Variants in DIP2C observed in about 807,000 individuals in gnomAD.
DIP2C encodes disco-interacting protein 2 homolog C.
Under a neutral mutation model 192.4 loss-of-function variants are expected in DIP2C, and 33 were observed. The ratio of observed to expected loss-of-function variants is 0.17; its 90% CI spans 0.13 to 0.23. The LOEUF (loss-of-function observed/expected upper bound fraction) is 0.23. Among genes scored for constraint, DIP2C ranks in the 10% least tolerant of loss-of-function variants. The pLI, the probability that DIP2C is intolerant of heterozygous loss-of-function variation, is 1.00. For synonymous variants in DIP2C, 979 were observed against 864.1 expected (o/e 1.13, Z -2.33); for missense variants, 1,537 against 2,110.1 (o/e 0.73, Z 5.32).
chr10:681,248 G>A (rs549485465), intron 1 of DIP2C, among the ~76,000 whole-genome samples: 5 of 141,390 alleles, frequency 3.5e-5, no homozygotes, highest in South Asian at 2.3e-4. Flanking sequence ...AACACAGACC[G>A]CAGTCACATG....
At chr10:432,472 A>T (rs576786001) in intron 4 of DIP2C, among the ~76,000 whole-genome samples, 22 of 152,276 alleles carry the variant, frequency 1.4e-4, no homozygotes, top group African/African-American at 4.8e-4. Flanking sequence ...GTGGCCATAG[A>T]GTTTTTCATA....
At chr10:449,086 TCA>T (rs989276865) in intron 3 of DIP2C, among the ~76,000 whole-genome samples, 1 of 151,134 alleles carries the variant, frequency 6.6e-6, no homozygotes, top group African/African-American at 2.4e-5. Flanking sequence ...ATACTCAGGA[TCA>T]CACACAGTGC....
At chr10:344,082 G>C (rs987476783) in intron 28 of DIP2C, among the ~76,000 whole-genome samples, 2 of 152,196 alleles carry the variant, frequency 1.3e-5, no homozygotes, top group African/African-American at 4.8e-5. Context: ...GTCAGACGCT[G>C]AGACTATAAG....
intron 32 of DIP2C, among the ~76,000 whole-genome samples, chr10:297,301 G>A (rs983653635): frequency 4.8e-5 from 6 of 124,070 alleles, no homozygotes; most frequent in East Asian, 2.6e-4. Context: ...ACTACCATAC[G>A]ATCCAACAAT....
intron 31 of DIP2C, chr10:324,680 T>C (rs138353948): frequency 5.0e-5 from 11 of 221,720 alleles, no homozygotes; most frequent in East Asian, 2.5e-4. Context: ...ATTGACAGAA[T>C]TGTCTTCTGC....
chr10:344,221 T>G (rs1043034976), intron 28 of DIP2C, among the ~76,000 whole-genome samples: 2 of 152,218 alleles, frequency 1.3e-5, no homozygotes, highest in African/African-American at 4.8e-5. Context: ...TTCAAAAGCT[T>G]TTGAAAAATT....
At chr10:681,490 G>A (rs1564338600) in intron 1 of DIP2C, among the ~76,000 whole-genome samples, 1 of 150,516 alleles carries the variant, frequency 6.6e-6, no homozygotes, top group Non-Finnish European at 1.5e-5. Context: ...CAGTCCCATG[G>A]TGCAGCCACC....
At chr10:354,130 T>G (rs1958960302) in intron 24 of DIP2C, among the ~76,000 whole-genome samples, 1 of 152,148 alleles carries the variant, frequency 6.6e-6, no homozygotes, top group Non-Finnish European at 1.5e-5. Context: ...CCAGCGAGCC[T>G]TGGAAACAGC....
chr10:321,301 T>G (rs1304567504), intron 31 of DIP2C, among the ~76,000 whole-genome samples: 1 of 152,258 alleles, frequency 6.6e-6, no homozygotes, highest in Non-Finnish European at 1.5e-5. Context: ...CTTGAAATCC[T>G]GCAGTCATAA....
At chr10:597,840 G>A (rs1004461077) in intron 1 of DIP2C, among the ~76,000 whole-genome samples, 6 of 152,138 alleles carry the variant, frequency 3.9e-5, no homozygotes, top group Admixed American at 3.9e-4. Context: ...AGGTCCTAGG[G>A]GTCCTGAGTC....
At chr10:503,189 T>TACC (rs1399590683) in intron 1 of DIP2C, among the ~76,000 whole-genome samples, 1 of 151,964 alleles carries the variant, frequency 6.6e-6, no homozygotes, top group African/African-American at 2.4e-5. Context: ...CCTGCAGACT[T>TACC]ACCACGATTC....
intron 1 of DIP2C, among the ~76,000 whole-genome samples, chr10:654,303 C>G (rs1307048472): frequency 2.0e-5 from 3 of 152,178 alleles, no homozygotes; most frequent in Non-Finnish European, 4.4e-5. Flanking sequence ...AAGAATGGGA[C>G]AAAAGACAGA....
chr10:491,028 C>A (rs535841826), intron 1 of DIP2C, among the ~76,000 whole-genome samples: 4 of 152,326 alleles, frequency 2.6e-5, no homozygotes, highest in African/African-American at 7.2e-5. Context: ...AGGGAAAGGT[C>A]TGCCTGGCAA....
Position 307,572 on chromosome 10 carries a change from C to T in DIP2C, c.3986+2459G>A, listed in dbSNP as rs1020163230. Among the ~76,000 whole-genome samples, 3 of 152,178 alleles carry T rather than the reference C, an allele frequency of 2.0e-5. No homozygotes were observed. The East Asian group carries it at 5.8e-4, about 29-fold the overall frequency. On this transcript the variant is annotated intron_variant, in intron 32 of 36. Coordinates refer to ENST00000280886, the MANE Select transcript of DIP2C (RefSeq NM_014974.3). ...GGCATCGGAGAGCAAGACTGGGACG[C>T]CGCTGAGATTCTCTGCAGTGGGGGG...
chr10:580,921 C>T (rs952082079), intron 1 of DIP2C, among the ~76,000 whole-genome samples: 1 of 151,988 alleles, frequency 6.6e-6, no homozygotes, highest in African/African-American at 2.4e-5. Flanking sequence ...ATGAAGCACT[C>T]CTTAAAAAAT....
At position 658,092 on chromosome 10, in the gene DIP2C, G is replaced by GCTGGACCTGTCC. The variant is rs1588701502; in HGVS notation, c.85+31390_85+31401dup. On this transcript the variant is annotated intron_variant, in intron 1 of 36. Transcript: ENST00000280886. ...CGCTGGACCTGACACTGGACCTGAT[G>GCTGGACCTGTCC]CTGGACCTGTCCCTGGACCTGCCCC... is the stretch of plus-strand genomic sequence containing the variant. 9.4e-5 allele frequency among the ~76,000 whole-genome samples: 13 copies of GCTGGACCTGTCC among 138,670 alleles called. No individual in the cohort carries two copies. The East Asian group carries it at 2.9e-3, about 31-fold the overall frequency. The allele number at this position is 138,670 out of a possible 152,430, so 91.0% of individuals were successfully genotyped here.
At chr10:496,526 C>T (rs1480345594) in intron 1 of DIP2C, among the ~76,000 whole-genome samples, 1 of 147,366 alleles carries the variant, frequency 6.8e-6, no homozygotes, top group Non-Finnish European at 1.5e-5. Flanking sequence ...CTCTACATTA[C>T]TCCCAAATAC....
chr10:528,124 CCT>C (rs1208076811), intron 1 of DIP2C, among the ~76,000 whole-genome samples: 2 of 152,178 alleles, frequency 1.3e-5, no homozygotes, highest in Non-Finnish European at 2.9e-5. Flanking sequence ...GAACATCCCC[CCT>C]GAAGGGTTTG....
At chr10:283,159 C>T (rs1355338258) in intron 35 of DIP2C, 113 bp downstream of exon 35, 2 of 1,397,876 alleles carry the variant, frequency 1.4e-6, no homozygotes, top group Non-Finnish European at 1.9e-6. Flanking sequence ...GTAGCTAGCA[C>T]ACGTGCCCTC....
Sources: allele counts gnomAD v4.1 joint callset (sites outside exome capture counted in the v4.1 genomes callset), GRCh38; gene constraint gnomAD v4.1.1; transcripts MANE v1.5; gene names NCBI Gene and HGNC (gene_info 2026-07-23, HGNC 2026-07-21).